The following ADGRB3 variants were observed in gnomAD, a reference collection of about 807,000 sequenced individuals.
The protein encoded by ADGRB3 is adhesion G protein-coupled receptor B3.
ADGRB3 carries 37 observed loss-of-function variants against 193.4 expected under a neutral mutation model. That is an observed-to-expected ratio of 0.19 (90% CI 0.15 to 0.25). ADGRB3 has a LOEUF of 0.25. ADGRB3 is among the 10% of genes least tolerant of loss of function. The pLI is 1.00. For missense variants in ADGRB3, 1,637 were observed against 1,852.9 expected (o/e 0.88, Z 2.14); for synonymous variants, 690 against 644.2 (o/e 1.07, Z -1.08).
chr6:68,925,406 G>A (rs1408252291), intron 3 of ADGRB3, among the ~76,000 whole-genome samples: 2 of 151,770 alleles, frequency 1.3e-5, no homozygotes, highest in Non-Finnish European at 2.9e-5. Context: ...GAGCCTATAA[G>A]GCATTAAATC....
chr6:69,357,119 A>G (rs764277073), intron 28 of ADGRB3, among the ~76,000 whole-genome samples: 7 of 152,038 alleles, frequency 4.6e-5, no homozygotes, highest in Non-Finnish European at 8.8e-5. Context: ...TCTCTGAGGC[A>G]CGATGCCCAA....
intron 23 of ADGRB3, among the ~76,000 whole-genome samples, chr6:69,331,371 G>A (rs1183183686): frequency 6.6e-6 from 1 of 151,926 alleles, no homozygotes; most frequent in Non-Finnish European, 1.5e-5. Context: ...AAGAAAATAA[G>A]GGAGGAAAGA....
chr6:69,042,337 G>A lies in ADGRB3; in HGVS notation c.2108-5848G>A, dbSNP rs1207647451. On this transcript the variant is annotated intron_variant, in intron 13 of 31. Transcript: ENST00000370598. ...AGCATTTGGCCAAATGCTGTGCTAGGAACAGTGCCTAGCACAGAGGAGGCA... is the reference window on the plus strand; with the variant it reads ...AGCATTTGGCCAAATGCTGTGCTAGAAACAGTGCCTAGCACAGAGGAGGCA... 4.6e-5 allele frequency among the ~76,000 whole-genome samples: 7 copies of A among 152,110 alleles called. No homozygotes were observed. In the East Asian group the frequency reaches 1.2e-3, roughly 25 times the overall value.
rs375777294 is a variant in ADGRB3 at position 69,269,782 on chromosome 6, AGTTTT to A, written c.2814+30557_2814+30561del. ...TTGCCTGTCATACTCTTGATACTTT[AGTTTT>A]ATCAAATAGGATTTCCTGTATCATA... On this transcript the variant is annotated intron_variant, in intron 20 of 31. Transcript: ENST00000370598. Among the ~76,000 whole-genome samples, 138 of 152,270 alleles carry A rather than the reference AGTTTT, an allele frequency of 9.1e-4. 1 individual carries two copies. The South Asian group carries it at 0.022, about 24-fold the overall frequency.
intron 3 of ADGRB3, among the ~76,000 whole-genome samples, chr6:68,808,424 AC>A (rs1767449396): frequency 6.8e-6 from 1 of 147,430 alleles, no homozygotes; most frequent in African/African-American, 2.5e-5. Flanking sequence ...ACTTTTCAAG[AC>A]CTTTTTTTTT....
chr6:69,085,666 C>T (rs1344200385), intron 17 of ADGRB3, among the ~76,000 whole-genome samples: 1 of 151,670 alleles, frequency 6.6e-6, no homozygotes, highest in African/African-American at 2.4e-5. Context: ...ACCCCCAATT[C>T]AGAATTGCTC....
At chr6:69,121,516 G>C (rs1476121540) in intron 17 of ADGRB3, among the ~76,000 whole-genome samples, 2 of 152,138 alleles carry the variant, frequency 1.3e-5, no homozygotes, top group Non-Finnish European at 2.9e-5. Flanking sequence ...GATGGTCGCT[G>C]TCTCTTCGGA....
intron 17 of ADGRB3, chr6:69,232,564 G>A: frequency 2.0e-6 from 3 of 1,535,650 alleles, no homozygotes; most frequent in Non-Finnish European, 2.6e-6. Flanking sequence ...AAGCAGTTGA[G>A]GGAAAGAAAT....
intron 29 of ADGRB3, among the ~76,000 whole-genome samples, chr6:69,370,575 A>G (rs1219024838): frequency 6.6e-6 from 1 of 152,062 alleles, no homozygotes; most frequent in Non-Finnish European, 1.5e-5. Flanking sequence ...GAGTGTATCC[A>G]TTTTCCTTCC....
At chr6:69,057,229 C>T (rs1234657897) in intron 15 of ADGRB3, among the ~76,000 whole-genome samples, 2 of 151,886 alleles carry the variant, frequency 1.3e-5, no homozygotes, top group African/African-American at 2.4e-5. Flanking sequence ...GATTTTTGTG[C>T]GTTAATTTTC....
intron 3 of ADGRB3, among the ~76,000 whole-genome samples, chr6:68,708,809 C>T (rs1765365848): frequency 6.6e-6 from 1 of 152,096 alleles, no homozygotes; most frequent in Non-Finnish European, 1.5e-5. Flanking sequence ...ATATTTCATA[C>T]TTGCAAATAG....
intron 15 of ADGRB3, among the ~76,000 whole-genome samples, chr6:69,060,220 T>TTCTCTCTCTTTC (rs1554255601): frequency 5.4e-5 from 7 of 129,552 alleles, no homozygotes; most frequent in African/African-American, 2.2e-4. Flanking sequence ...CTCTCTCTCT[T>TTCTCTCTCTTTC]TCTCTCTCTC....
chr6:68,874,396 T>A (rs1765535997), intron 3 of ADGRB3, among the ~76,000 whole-genome samples: 1 of 152,152 alleles, frequency 6.6e-6, no homozygotes, highest in Non-Finnish European at 1.5e-5. Flanking sequence ...AATTATGGGT[T>A]AAGAATTATG....
chr6:68,851,450 A>G (rs1768401000), intron 3 of ADGRB3, among the ~76,000 whole-genome samples: 3 of 151,922 alleles, frequency 2.0e-5, no homozygotes, highest in Non-Finnish European at 4.4e-5. Context: ...AGAAGTAACT[A>G]TTTAATCTTT....
intron 26 of ADGRB3, among the ~76,000 whole-genome samples, chr6:69,350,285 G>A (rs1769194049): frequency 8.5e-6 from 1 of 118,070 alleles, no homozygotes; most frequent in Non-Finnish European, 1.7e-5. Context: ...ATTGTGTGAT[G>A]TTTCTCGCCA....
intron 3 of ADGRB3, among the ~76,000 whole-genome samples, chr6:68,851,173 A>G (rs1582254201): frequency 1.3e-5 from 2 of 151,820 alleles, no homozygotes; most frequent in South Asian, 4.1e-4. Flanking sequence ...GATACCAGTT[A>G]ATTTTTCTTT....
At chr6:68,862,887 T>A (rs563952) in intron 3 of ADGRB3, among the ~76,000 whole-genome samples, 9 of 152,044 alleles carry the variant, frequency 5.9e-5, no homozygotes, top group African/African-American at 9.7e-5. Flanking sequence ...ATCAAGATTT[T>A]TGTCTCTTTT....
At chr6:68,868,731 C>T (rs796818386) in intron 3 of ADGRB3, among the ~76,000 whole-genome samples, 184 of 152,204 alleles carry the variant, frequency 1.2e-3, no homozygotes, top group African/African-American at 4.3e-3. Context: ...TTATCTTTCT[C>T]TGAGATGCTT....
intron 20 of ADGRB3, among the ~76,000 whole-genome samples, chr6:69,259,388 G>A (rs1469553263): frequency 1.3e-5 from 2 of 152,116 alleles, no homozygotes; most frequent in Non-Finnish European, 2.9e-5. Context: ...CACGTAGTTA[G>A]TTTTAACCTT....
Sources: gnomAD v4.1 joint callset for allele counts (sites outside exome capture counted in the v4.1 genomes callset) on GRCh38, gnomAD v4.1.1 for gene constraint, MANE v1.5 for transcripts, NCBI Gene and HGNC (gene_info 2026-07-23, HGNC 2026-07-21) for gene names.